Variants in NEBL observed in about 807,000 individuals in gnomAD.
The protein encoded by NEBL is nebulette.
Under a neutral mutation model 140.2 loss-of-function variants are expected in NEBL, and 122 were observed. The observed-to-expected ratio is 0.87, with a 90% confidence interval of 0.75 to 1.01. The LOEUF is 1.01. NEBL is among the 50% of genes least tolerant of loss of function. NEBL has a pLI of 0.00. For missense variants in NEBL, 1,365 were observed against 1,231.3 expected (o/e 1.11, Z -1.62); for synonymous variants, 436 against 398.9 (o/e 1.09, Z -1.11).
chr10:20,840,834 C>A lies in NEBL; in HGVS notation c.1243G>T (p.Asp415Tyr). The change falls in exon 13 of 28, where the codon GAT becomes TAT. Residue 415 changes from aspartate to tyrosine, a missense_variant. Physicochemically the swap from Asp to Tyr is radical, Grantham distance 160 (BLOSUM62 -3). Coordinates refer to ENST00000377122, the MANE Select transcript of NEBL (RefSeq NM_006393.3). ...TTCCCTTTTATCTCATTTTCCAAAT[C>A]TTTTTTATATTCTTTCTATGAGACA... is the stretch of plus-strand genomic sequence containing the variant. ...NLLREKEYKK[D>Y]LENEIKGKGM... 1.3e-6 allele frequency: 2 copies of A among 1,577,130 alleles called. No homozygotes were observed. Among genetic ancestry groups the A allele is most frequent in the Non-Finnish European group, 1.7e-6 (2 of 1,148,398 alleles).
chr10:20,806,742 C>A (rs1031818665), intron 26 of NEBL, among the ~76,000 whole-genome samples: 4 of 152,170 alleles, frequency 2.6e-5, no homozygotes, highest in African/African-American at 9.7e-5. Context: ...TTGGCCAGTG[C>A]ACAAACAGCA....
chr10:20,862,787 C>A (rs981707006), intron 7 of NEBL, among the ~76,000 whole-genome samples: 2 of 152,146 alleles, frequency 1.3e-5, no homozygotes, highest in African/African-American at 4.8e-5. Flanking sequence ...ATTCTGGAAA[C>A]AAATGAAGTT....
intron 26 of NEBL, among the ~76,000 whole-genome samples, chr10:20,789,284 T>G (rs1028813757): frequency 3.3e-5 from 5 of 152,246 alleles, no homozygotes; most frequent in South Asian, 2.1e-4. Context: ...AACATCTCTG[T>G]AAATTTATAA....
intron 5 of NEBL, 129 bp downstream of exon 5, chr10:20,880,665 T>A: frequency 1.3e-6 from 1 of 751,364 alleles, no homozygotes; most frequent in Non-Finnish European, 2.4e-6. Context: ...TACCTCTGAC[T>A]GATAAGAAAT....
chr10:20,918,683 C>T (rs1251436801), intron 4 of NEBL, among the ~76,000 whole-genome samples: 1 of 150,814 alleles, frequency 6.6e-6, no homozygotes, highest in Non-Finnish European at 1.5e-5. Flanking sequence ...CCAGTCTCTA[C>T]TAAAAATAAA....
intron 2 of NEBL, among the ~76,000 whole-genome samples, chr10:21,151,914 T>G (rs886875442): frequency 6.6e-5 from 10 of 152,222 alleles, no homozygotes; most frequent in African/African-American, 1.2e-4. Flanking sequence ...TGTTTGGTTT[T>G]GGGTTTTGTC....
At chr10:21,114,557 C>A (rs894770422) in intron 2 of NEBL, among the ~76,000 whole-genome samples, 2 of 152,068 alleles carry the variant, frequency 1.3e-5, no homozygotes, top group Non-Finnish European at 2.9e-5. Context: ...CTGGCTATTT[C>A]TTCTTTCAGT....
intron 3 of NEBL, among the ~76,000 whole-genome samples, chr10:20,967,842 T>A (rs1564465584): frequency 6.6e-6 from 1 of 152,148 alleles, no homozygotes; most frequent in Non-Finnish European, 1.5e-5. Context: ...TTATATATAA[T>A]CTTTTGTGTT....
chr10:21,006,366 CT>C (rs1317221910), intron 3 of NEBL, among the ~76,000 whole-genome samples: 3 of 152,014 alleles, frequency 2.0e-5, no homozygotes, highest in Admixed American at 6.6e-5. Context: ...TGCTAGATTG[CT>C]TTTTTTAAGG....
intron 1 of NEBL, among the ~76,000 whole-genome samples, chr10:21,272,375 G>C (rs76516511): frequency 0.034 from 5,202 of 152,156 alleles, 278 homozygotes; most frequent in African/African-American, 0.12. Flanking sequence ...CTTGAGGCCA[G>C]AAGTTTAATA....
At chr10:20,818,703 C>G (rs1838979034) in intron 20 of NEBL, 7 of 788,822 alleles carry the variant, frequency 8.9e-6, no homozygotes, top group Non-Finnish European at 1.1e-5. Context: ...GTGGGTCTTA[C>G]CCATCTTTGT....
intron 24 of NEBL, among the ~76,000 whole-genome samples, chr10:20,811,448 T>C (rs768829888): frequency 1.2e-4 from 18 of 152,180 alleles, no homozygotes; most frequent in Non-Finnish European, 2.1e-4. Context: ...CACAAAGCAA[T>C]GAAACTCTAA....
chr10:21,274,979 G>A (rs1291505389), intron 1 of NEBL, among the ~76,000 whole-genome samples: 1 of 152,068 alleles, frequency 6.6e-6, no homozygotes, highest in African/African-American at 2.4e-5. Context: ...TGCTGTCTCA[G>A]GGAAGGCAGA....
rs187621537 is a variant in NEBL, at chr10:21,167,347, C to T, written c.164+5036G>A. Among the ~76,000 whole-genome samples, 17 of 152,342 alleles carry T rather than the reference C, an allele frequency of 1.1e-4. No homozygotes were observed. The East Asian group carries it at 3.1e-3, about 28-fold the overall frequency. ...TCTTTTAGCCCCATAATTAAAGATACATTTGACTAAGATACAAGGTATAGT... is the reference window on the plus strand; with the variant it reads ...TCTTTTAGCCCCATAATTAAAGATATATTTGACTAAGATACAAGGTATAGT... On this transcript the variant is annotated intron_variant, in intron 2 of 6. Transcript: ENST00000417816.
chr10:20,874,068 C>G (rs988557948), intron 5 of NEBL, among the ~76,000 whole-genome samples: 1 of 152,158 alleles, frequency 6.6e-6, no homozygotes, highest in Non-Finnish European at 1.5e-5. Flanking sequence ...AATAGTGATT[C>G]TGGTTTCTTC....
rs181663756 is a variant in NEBL at position 20,884,118 on chromosome 10, T to C, written c.370-3214A>G. 1.4e-4 allele frequency among the ~76,000 whole-genome samples: 22 copies of C among 152,352 alleles called. 1 individual carries two copies. The East Asian group carries it at 3.9e-3, about 27-fold the overall frequency. Reference sequence around the variant, plus strand: ...CCACTTGCAATAGTCATATACACTTTGTTTATATAAGTGATAAATACATTT... The same window carrying C: ...CCACTTGCAATAGTCATATACACTTCGTTTATATAAGTGATAAATACATTT... On this transcript the variant is annotated intron_variant, in intron 4 of 27. Transcript: ENST00000377122.
Position 21,173,074 on chromosome 10 carries a change from A to G in NEBL, c.70-597T>C, listed in dbSNP as rs1841152558. Among the ~76,000 whole-genome samples, 1 of 152,112 alleles carries G rather than the reference A, an allele frequency of 6.6e-6. No individual in the cohort carries two copies. The highest frequency in any genetic ancestry group is 2.4e-5 in the African/African-American group (1 of 41,430). On this transcript the variant is annotated intron_variant, in intron 1 of 6. Transcript: ENST00000417816. The surrounding 1 kb of genome is among the most constrained non-coding windows in gnomAD (Gnocchi z 5.7). ...ACGCCCCTGGCTGGTTTCAACTGTC[A>G]GTCACTCCGGATCGCTCCTGGGTGT...
chr10:20,902,905 A>G (rs7906875), intron 4 of NEBL, among the ~76,000 whole-genome samples: 10,957 of 152,204 alleles, frequency 0.072, 1,229 homozygotes, highest in African/African-American at 0.24. Flanking sequence ...ATTGTGAAAG[A>G]CTTTGAAATG....
intron 2 of NEBL, among the ~76,000 whole-genome samples, chr10:21,137,531 C>T (rs1416499747): frequency 6.6e-6 from 1 of 152,216 alleles, no homozygotes; most frequent in Non-Finnish European, 1.5e-5. Flanking sequence ...ACTACGGCTA[C>T]TGCTGCCCCA....
Sources: gnomAD v4.1 joint callset for allele counts (sites outside exome capture counted in the v4.1 genomes callset) on GRCh38, gnomAD v4.1.1 for gene constraint, Gnocchi (gnomAD v3.1) non-coding constraint, MANE v1.5 for transcripts, NCBI Gene and HGNC (gene_info 2026-07-23, HGNC 2026-07-21) for gene names.